Variants in MECOM observed in about 807,000 individuals in gnomAD.
MECOM encodes MDS1 and EVI1 complex locus.
In MECOM, 13 loss-of-function variants were observed where a neutral mutation model predicts 116.3. The observed-to-expected ratio is 0.11, with a 90% CI of 0.07 to 0.18. The LOEUF (loss-of-function observed/expected upper bound fraction) is 0.18, where lower values mean the gene tolerates loss of function less well. Ranked by LOEUF, MECOM falls within the 10% of genes least tolerant of loss-of-function variation. The pLI, the probability that MECOM is intolerant of heterozygous loss-of-function variation, is 1.00. For missense variants in MECOM, 1,299 were observed against 1,509.0 expected (o/e 0.86, Z 2.31); for synonymous variants, 528 against 535.2 (o/e 0.99, Z 0.19).
At chr3:169,100,417 C>T (rs16853146) in intron 12 of MECOM, among the ~76,000 whole-genome samples, 3,617 of 152,006 alleles carry the variant, frequency 0.024, 53 homozygotes, top group South Asian at 0.068. Context: ...ATCCTTTAAA[C>T]CTCCTATTGG....
chr3:169,321,942 AT>A (rs573338957), intron 2 of MECOM, among the ~76,000 whole-genome samples: 6 of 152,160 alleles, frequency 3.9e-5, no homozygotes, highest in African/African-American at 1.4e-4. Flanking sequence ...CACCGAAGTG[AT>A]TTTTTTTCCA....
intron 1 of MECOM, among the ~76,000 whole-genome samples, chr3:169,656,812 T>G (rs1364019989): frequency 6.6e-6 from 1 of 152,112 alleles, no homozygotes; most frequent in Non-Finnish European, 1.5e-5. Context: ...TCCTAACAAC[T>G]CCAGATGTGG....
At chr3:169,654,712 C>T (rs1329945096) in intron 1 of MECOM, among the ~76,000 whole-genome samples, 3 of 151,982 alleles carry the variant, frequency 2.0e-5, no homozygotes, top group African/African-American at 4.8e-5. Context: ...AATGATGAAA[C>T]GGCATGGAGG....
At chr3:169,308,853 T>C (rs1227810849) in intron 2 of MECOM, among the ~76,000 whole-genome samples, 4 of 152,230 alleles carry the variant, frequency 2.6e-5, no homozygotes, top group Non-Finnish European at 5.9e-5. Context: ...GTCTTCCTTC[T>C]CATCCTGAGT....
At position 169,606,177 on chromosome 3, in the gene MECOM, T is replaced by A. The variant is rs1768521965; in HGVS notation, c.37+57159A>T. ...CTGTAATCCCAACACTTTGGGAGGC[T>A]GAGGCGGGTGTATCATCTGAGATCA... On this transcript the variant is annotated intron_variant, in intron 1 of 16. Transcript: ENST00000651503. Among the ~76,000 whole-genome samples, 3 of 152,152 alleles carry A rather than the reference T, an allele frequency of 2.0e-5. No individual in the cohort carries two copies. In the South Asian group the frequency reaches 6.2e-4, roughly 32 times the overall value.
intron 2 of MECOM, chr3:169,147,002 A>G: frequency 1.0e-6 from 1 of 993,948 alleles, no homozygotes; most frequent in Non-Finnish European, 1.2e-6. Flanking sequence ...TGTATTTTTA[A>G]TACAAGAAAT....
At chr3:169,509,059 A>G (rs1025216864) in intron 1 of MECOM, among the ~76,000 whole-genome samples, 5 of 152,240 alleles carry the variant, frequency 3.3e-5, no homozygotes, top group African/African-American at 1.2e-4. Context: ...TAAACTCTAC[A>G]CTAAGATAAA....
At chr3:169,555,682 C>T (rs915309960) in intron 1 of MECOM, among the ~76,000 whole-genome samples, 1 of 152,136 alleles carries the variant, frequency 6.6e-6, no homozygotes, top group African/African-American at 2.4e-5. Flanking sequence ...TTTCGAGGTA[C>T]CATTTTTCTC....
chr3:169,116,027 A>G lies in MECOM; in HGVS notation c.1845T>C (p.Asn615=), dbSNP rs373209621. The G allele has an allele frequency of 1.1e-5, 17 of 1,613,778 alleles. No individual in the cohort carries two copies. Among genetic ancestry groups the G allele is most frequent in the African/African-American group, 5.3e-5 (4 of 74,826 alleles). ...TTACTTTGTCTTTGAACATTTTACC[A>G]TTTTCTTTAAATTTCTCTTTATCAC... ...IESDKEKFKE[N]GKMFKDKVSP... is the part of the protein sequence containing the mutation. Residue 615 remains asparagine, a synonymous_variant, in exon 8 of 17, where the codon AAT becomes AAC. Transcript: ENST00000651503.
intron 1 of MECOM, among the ~76,000 whole-genome samples, chr3:169,425,537 G>A (rs1740502756): frequency 6.6e-6 from 1 of 152,106 alleles, no homozygotes; most frequent in Non-Finnish European, 1.5e-5. Flanking sequence ...TTATGAATTA[G>A]GCCCTGTACT....
At chr3:169,203,277 C>T (rs1331138126) in intron 2 of MECOM, among the ~76,000 whole-genome samples, 11 of 152,064 alleles carry the variant, frequency 7.2e-5, no homozygotes, top group African/African-American at 1.2e-4. Context: ...GGGACTCCCT[C>T]GGCTAAATGC....
intron 2 of MECOM, chr3:169,147,161 A>G: frequency 1.0e-6 from 1 of 985,528 alleles, no homozygotes; most frequent in Non-Finnish European, 1.2e-6. Context: ...GTGTAATGAA[A>G]GTTATCTGAA....
At chr3:169,154,591 AC>A (rs1741663123) in intron 2 of MECOM, among the ~76,000 whole-genome samples, 1 of 152,034 alleles carries the variant, frequency 6.6e-6, no homozygotes, top group Admixed American at 6.6e-5. Context: ...AATCCTCTCA[AC>A]CATCTGCTGT....
intron 1 of MECOM, among the ~76,000 whole-genome samples, chr3:169,391,951 C>T (rs533328173): frequency 2.6e-5 from 4 of 152,200 alleles, no homozygotes; most frequent in African/African-American, 9.6e-5. Flanking sequence ...GCATTCAGGG[C>T]CTCTTCTATA....
chr3:169,433,645 G>GAAAGAAAGAAAGAAAGAAAGAA lies in MECOM; in HGVS notation c.38-52143_38-52122dup, dbSNP rs1553851626. Among the ~76,000 whole-genome samples the GAAAGAAAGAAAGAAAGAAAGAA allele has an allele frequency of 3.2e-3, 355 of 111,952 alleles. 4 individuals carry two copies. Among genetic ancestry groups the GAAAGAAAGAAAGAAAGAAAGAA allele is most frequent in the African/African-American group, 0.013 (348 of 27,570 alleles). The allele number at this position is 111,952 out of a possible 152,430, so 73.4% of individuals were successfully genotyped here. On this transcript the variant is annotated intron_variant, in intron 1 of 16. Coordinates refer to ENST00000651503, the MANE Select transcript of MECOM (RefSeq NM_004991.4). Reference sequence around the variant, plus strand: ...GAAAAGAAAGAAAGAGAAAGAGAAAGAAAGAAAGAAAGAAAGAAAGAAAGA... The same window carrying GAAAGAAAGAAAGAAAGAAAGAA: ...GAAAAGAAAGAAAGAGAAAGAGAAAGAAAGAAAGAAAGAAAGAAAGAAAAAGAAAGAAAGAAAGAAAGAAAGA...
At chr3:169,582,084 G>A (rs576214979) in intron 1 of MECOM, among the ~76,000 whole-genome samples, 181 of 152,290 alleles carry the variant, frequency 1.2e-3, no homozygotes, top group Non-Finnish European at 2.3e-3. Context: ...TTGCCTTGAG[G>A]CCTGGTTTAA....
intron 1 of MECOM, among the ~76,000 whole-genome samples, chr3:169,496,220 T>A (rs1261464724): frequency 1.3e-5 from 2 of 152,210 alleles, no homozygotes; most frequent in Non-Finnish European, 2.9e-5. Flanking sequence ...TTCACTGGAA[T>A]TCAGTGGCTA....
rs559514774 is a variant in MECOM at position 169,440,600 on chromosome 3, T to A, written c.38-59076A>T. Among the ~76,000 whole-genome samples the A allele has an allele frequency of 2.0e-5, 3 of 152,274 alleles. No individual in the cohort carries two copies. The South Asian group carries it at 6.2e-4, about 32-fold the overall frequency. ...TGGGGGAAGACAACACTCTAAATAGTTTGCAATTGAGTGAATTGACAAGGT... is the reference window on the plus strand; with the variant it reads ...TGGGGGAAGACAACACTCTAAATAGATTGCAATTGAGTGAATTGACAAGGT... On this transcript the variant is annotated intron_variant, in intron 1 of 16. Coordinates refer to ENST00000651503, the MANE Select transcript of MECOM (RefSeq NM_004991.4).
At chr3:169,148,020 A>C (rs1231957091) in intron 2 of MECOM, among the ~76,000 whole-genome samples, 1 of 152,062 alleles carries the variant, frequency 6.6e-6, no homozygotes. Context: ...CTAAGCATTA[A>C]AAAAAATTTT....
Sources: gnomAD v4.1 joint callset for allele counts (sites outside exome capture counted in the v4.1 genomes callset) on GRCh38, gnomAD v4.1.1 for gene constraint, MANE v1.5 for transcripts, NCBI Gene and HGNC (gene_info 2026-07-23, HGNC 2026-07-21) for gene names.